Variants in GNAQ observed in about 807,000 individuals in gnomAD.
The protein encoded by GNAQ is guanine nucleotide-binding protein G(q) subunit alpha.
Under a neutral mutation model 43.9 loss-of-function variants are expected in GNAQ, and 8 were observed. The ratio of observed to expected loss-of-function variants is 0.18; its 90% CI spans 0.11 to 0.33. The LOEUF (loss-of-function observed/expected upper bound fraction) is 0.33. Among genes scored for constraint, GNAQ ranks in the 10% least tolerant of loss-of-function variants. GNAQ has a pLI of 1.00. For missense variants in GNAQ, 158 were observed against 450.8 expected (o/e 0.35, Z 5.88); for synonymous variants, 155 against 170.7 (o/e 0.91, Z 0.71).
intron 1 of GNAQ, among the ~76,000 whole-genome samples, chr9:77,949,483 G>C (rs570141164): frequency 2.3e-4 from 35 of 152,284 alleles, no homozygotes; most frequent in African/African-American, 8.4e-4. Context: ...TATGAACTTG[G>C]TTAGCATGGA....
At chr9:78,016,896 T>G (rs1400646074) in intron 1 of GNAQ, among the ~76,000 whole-genome samples, 1 of 152,196 alleles carries the variant, frequency 6.6e-6, no homozygotes, top group African/African-American at 2.4e-5. Context: ...GTCTTTTTTT[T>G]AACCCATTAA....
chr9:77,885,055 CA>C (rs1828280325), intron 2 of GNAQ, among the ~76,000 whole-genome samples: 1 of 152,174 alleles, frequency 6.6e-6, no homozygotes, highest in Non-Finnish European at 1.5e-5. Flanking sequence ...CCAAGCTGTC[CA>C]AAGTCAGGGA....
intron 1 of GNAQ, among the ~76,000 whole-genome samples, chr9:77,952,091 A>T (rs1476700414): frequency 2.6e-5 from 4 of 152,222 alleles, no homozygotes; most frequent in Non-Finnish European, 5.9e-5. Context: ...CTTAAAAAAC[A>T]TTTCCTGGGA....
At chr9:77,931,940 G>A (rs1175666678) in intron 1 of GNAQ, among the ~76,000 whole-genome samples, 1 of 152,038 alleles carries the variant, frequency 6.6e-6, no homozygotes, top group Non-Finnish European at 1.5e-5. Flanking sequence ...CTGATAAAAG[G>A]CTACAGGGCA....
intron 2 of GNAQ, among the ~76,000 whole-genome samples, chr9:77,828,059 C>CAAA (rs71360654): frequency 0.015 from 290 of 19,248 alleles, 40 homozygotes; most frequent in East Asian, 0.081. Flanking sequence ...GACTCCTCCT[C>CAAA]AAAAAAAAAA....
chr9:77,799,431 T>C (rs947545962), intron 3 of GNAQ, among the ~76,000 whole-genome samples: 4 of 152,206 alleles, frequency 2.6e-5, no homozygotes, highest in Non-Finnish European at 5.9e-5. Context: ...CTCATCTTTA[T>C]TTCTGCCTTA....
At chr9:77,838,128 G>A (rs1214951151) in intron 2 of GNAQ, among the ~76,000 whole-genome samples, 2 of 147,756 alleles carry the variant, frequency 1.4e-5, no homozygotes, top group Non-Finnish European at 3.0e-5. Context: ...GGGATTACAG[G>A]CATTAATGAT....
intron 2 of GNAQ, among the ~76,000 whole-genome samples, chr9:77,904,264 A>G (rs1310479166): frequency 6.7e-6 from 1 of 149,542 alleles, no homozygotes; most frequent in African/African-American, 2.5e-5. Context: ...TAAATAATCA[A>G]TTTCTAGAAC....
At chr9:77,856,953 C>T (rs1335249546) in intron 2 of GNAQ, among the ~76,000 whole-genome samples, 2 of 152,114 alleles carry the variant, frequency 1.3e-5, no homozygotes, top group Non-Finnish European at 2.9e-5. Context: ...TCTGTGAAAC[C>T]AAGAGGTGTT....
At chr9:78,028,652 CTG>C (rs1824011928) in intron 1 of GNAQ, among the ~76,000 whole-genome samples, 1 of 152,142 alleles carries the variant, frequency 6.6e-6, no homozygotes, top group South Asian at 2.1e-4. Context: ...GATCTTTAAA[CTG>C]TGAATGGATA....
chr9:78,004,337 G>A (rs573188975), intron 1 of GNAQ, among the ~76,000 whole-genome samples: 2 of 151,902 alleles, frequency 1.3e-5, no homozygotes, highest in Non-Finnish European at 2.9e-5. Context: ...CTTCAGGTGG[G>A]ACAAATTTAC....
chr9:77,975,070 T>C (rs1823281855), intron 1 of GNAQ, among the ~76,000 whole-genome samples: 1 of 152,140 alleles, frequency 6.6e-6, no homozygotes, highest in Non-Finnish European at 1.5e-5. Flanking sequence ...GTATTGTGTC[T>C]TTACCTAGTT....
intron 5 of GNAQ, among the ~76,000 whole-genome samples, chr9:77,767,548 C>T (rs145617503): frequency 6.6e-6 from 1 of 152,262 alleles, no homozygotes; most frequent in African/African-American, 2.4e-5. Context: ...TAATACAAGC[C>T]AGGGTATAAG....
At chr9:77,831,200 ATG>A (rs1171916594) in intron 2 of GNAQ, among the ~76,000 whole-genome samples, 2 of 152,250 alleles carry the variant, frequency 1.3e-5, no homozygotes, top group African/African-American at 4.8e-5. Flanking sequence ...CACTGGATTA[ATG>A]TGTCACAAAT....
Position 78,025,739 on chromosome 9 carries a change from T to C in GNAQ, c.136+5361A>G, listed in dbSNP as rs55714328. ...TACCCTTTGAGCTCCCTATTTTCCC[T>C]CTACAACATCCAATCAACATTTCTA... On this transcript the variant is annotated intron_variant, in intron 1 of 6. Coordinates refer to ENST00000286548, the MANE Select transcript of GNAQ (RefSeq NM_002072.5). Among the ~76,000 whole-genome samples the C allele has an allele frequency of 6.7e-3, 1,021 of 152,260 alleles. 10 individuals are homozygous for C. The highest frequency in any genetic ancestry group is 0.022 in the African/African-American group (929 of 41,540).
intron 1 of GNAQ, among the ~76,000 whole-genome samples, chr9:78,014,560 A>T (rs1398863669): frequency 6.6e-6 from 1 of 152,026 alleles, no homozygotes. Context: ...GAGCCGAGAT[A>T]GCGCCACTGC....
intron 1 of GNAQ, among the ~76,000 whole-genome samples, chr9:77,961,018 C>T (rs921216791): frequency 6.6e-6 from 1 of 152,082 alleles, no homozygotes; most frequent in Non-Finnish European, 1.5e-5. Context: ...ACAAACAGAA[C>T]AGTTCAAATT....
intron 1 of GNAQ, among the ~76,000 whole-genome samples, chr9:77,968,728 A>C (rs972939332): frequency 3.3e-5 from 5 of 152,248 alleles, no homozygotes; most frequent in Admixed American, 3.3e-4. Context: ...AAGTGTACCA[A>C]ACCAAAGGCA....
intron 2 of GNAQ, among the ~76,000 whole-genome samples, chr9:77,907,713 T>C (rs1463000265): frequency 6.6e-6 from 1 of 152,098 alleles, no homozygotes. Flanking sequence ...ATAATAATAG[T>C]GGTATCATGT....
Sources: allele counts gnomAD v4.1 joint callset (sites outside exome capture counted in the v4.1 genomes callset), GRCh38; gene constraint gnomAD v4.1.1; transcripts MANE v1.5; gene names NCBI Gene and HGNC (gene_info 2026-07-23, HGNC 2026-07-21).